Variants in ATP2C1 observed in about 807,000 individuals in gnomAD.
ATP2C1 encodes calcium-transporting ATPase type 2C member 1.
In ATP2C1, 31 loss-of-function variants were observed where a neutral mutation model predicts 120.5. The ratio of observed to expected loss-of-function variants is 0.26; its 90% CI spans 0.19 to 0.35. ATP2C1 has a LOEUF of 0.35. Among genes scored for constraint, ATP2C1 ranks in the 10% least tolerant of loss-of-function variants. The pLI, the probability that ATP2C1 is intolerant of heterozygous loss-of-function variation, is 1.00. For synonymous variants in ATP2C1, 351 were observed against 358.7 expected, an observed-to-expected ratio of 0.98 and a Z score of 0.24; for missense variants, 731 against 1,107.5, an observed-to-expected ratio of 0.66 and a Z score of 4.83.
chr3:130,923,733 G>A (rs1444842340), intron 2 of ATP2C1, among the ~76,000 whole-genome samples: 1 of 151,784 alleles, frequency 6.6e-6, no homozygotes, highest in Non-Finnish European at 1.5e-5. Context: ...CAGGTGTGGT[G>A]GCTCACGCCT....
intron 3 of ATP2C1, among the ~76,000 whole-genome samples, 179 bp from the exon 4 acceptor site, chr3:130,931,843 C>T (rs947225407): frequency 6.6e-6 from 1 of 152,078 alleles, no homozygotes; most frequent in African/African-American, 2.4e-5. Context: ...TAATTAATCC[C>T]TCCCTCTCTA....
At position 130,932,731 on chromosome 3, in the gene ATP2C1, A is replaced by G. The variant is rs6798556; in HGVS notation, c.234+593A>G. On this transcript the variant is annotated intron_variant, in intron 4 of 27. Transcript: ENST00000510168. ...ATGTAAAAAGTTACAGGTTACTATG[A>G]TTAGTTTTGAAGTAATTAGGTTGGT... Among the ~76,000 whole-genome samples the G allele has an allele frequency of 5.2e-3, 789 of 152,262 alleles. 6 individuals carry two copies. The highest frequency in any genetic ancestry group is 0.018 in the African/African-American group (755 of 41,558).
At chr3:130,941,280 G>A (rs1194523593) in intron 7 of ATP2C1, among the ~76,000 whole-genome samples, 6 of 151,002 alleles carry the variant, frequency 4.0e-5, no homozygotes, top group Non-Finnish European at 8.8e-5. Flanking sequence ...GTGTGTGCGC[G>A]CACGCGCGCA....
At chr3:130,855,744 T>C (rs1305692611) in intron 1 of ATP2C1, 1 of 152,210 alleles carries the variant, frequency 6.6e-6, no homozygotes, top group Non-Finnish European at 1.5e-5. Context: ...ACTTGTCAAC[T>C]TGTCAATAAC....
chr3:130,878,910 T>C (rs559602220), intron 1 of ATP2C1, among the ~76,000 whole-genome samples: 1 of 152,340 alleles, frequency 6.6e-6, no homozygotes, highest in Admixed American at 6.5e-5. Context: ...AGTATCTGGA[T>C]GTCTATATCA....
chr3:130,904,991 T>C (rs925482919), intron 2 of ATP2C1, among the ~76,000 whole-genome samples: 1 of 152,088 alleles, frequency 6.6e-6, no homozygotes, highest in Non-Finnish European at 1.5e-5. Flanking sequence ...GTGTCTTTTC[T>C]ACAATACCCT....
chr3:130,886,330 T>A (rs2068971370), intron 1 of ATP2C1, among the ~76,000 whole-genome samples: 1 of 152,172 alleles, frequency 6.6e-6, no homozygotes, highest in African/African-American at 2.4e-5. Context: ...TTGGGTTAAA[T>A]CTGCTTGGTG....
At chr3:130,896,425 C>T (rs1213791278) in intron 2 of ATP2C1, among the ~76,000 whole-genome samples, 2 of 152,054 alleles carry the variant, frequency 1.3e-5, no homozygotes, top group Non-Finnish European at 2.9e-5. Flanking sequence ...TTTTCTGTCC[C>T]GTTATTCTTG....
chr3:131,000,119 A>G (rs993137494), intron 27 of ATP2C1, among the ~76,000 whole-genome samples: 1 of 152,242 alleles, frequency 6.6e-6, no homozygotes, highest in African/African-American at 2.4e-5. Flanking sequence ...AGAATGTTTT[A>G]TAAAGACTAT....
chr3:130,984,501 CA>C lies in ATP2C1; in HGVS notation c.1839+3823del, dbSNP rs200843657. ...CCTAGACCTCCAGCCCCACTTCCCT[CA>C]TCCTCTAGCAAGTGGTTAGATTTTG... On this transcript the variant is annotated intron_variant, in intron 20 of 27. Coordinates refer to ENST00000510168, the MANE Select transcript of ATP2C1 (RefSeq NM_001378687.1). Among the ~76,000 whole-genome samples, 138 of 152,324 alleles carry C rather than the reference CA, an allele frequency of 9.1e-4. 1 individual carries two copies. The East Asian group carries it at 0.026, about 28-fold the overall frequency.
chr3:131,016,395 C>A, exon 27 of ATP2C1: 1 of 1,562,710 alleles, frequency 6.4e-7, no homozygotes, highest in Non-Finnish European at 8.8e-7. Flanking sequence ...AACAGCTTTT[C>A]ATTTTCTCCA....
At chr3:130,972,572 A>G (rs1004407033) in intron 17 of ATP2C1, among the ~76,000 whole-genome samples, 2 of 147,632 alleles carry the variant, frequency 1.4e-5, no homozygotes, top group Admixed American at 6.8e-5. Context: ...TGCTGCACCC[A>G]TTAACTCATC....
At chr3:130,880,612 C>G (rs1457067599) in intron 1 of ATP2C1, among the ~76,000 whole-genome samples, 2 of 152,218 alleles carry the variant, frequency 1.3e-5, no homozygotes, top group Non-Finnish European at 2.9e-5. Context: ...GTTGCAAAAA[C>G]TCTTTCCTGC....
intron 1 of ATP2C1, among the ~76,000 whole-genome samples, chr3:130,863,366 C>A (rs2107729344): frequency 6.6e-6 from 1 of 152,160 alleles, no homozygotes; most frequent in African/African-American, 2.4e-5. Context: ...ACAAATAGAT[C>A]TCTATACTCC....
At chr3:130,962,754 G>T (rs2060881250) in intron 12 of ATP2C1, 1 of 148,360 alleles carries the variant, frequency 6.7e-6, no homozygotes. Flanking sequence ...AGAAAAAAAA[G>T]GATTCCATTT....
chr3:130,925,778 T>C lies in ATP2C1; in HGVS notation c.7-4638T>C, dbSNP rs936490638. Among the ~76,000 whole-genome samples the C allele has an allele frequency of 2.8e-4, 41 of 148,604 alleles. No homozygotes were observed. In the South Asian group the frequency reaches 7.4e-3, roughly 27 times the overall value. On this transcript the variant is annotated intron_variant, in intron 2 of 27. Coordinates refer to ENST00000510168, the MANE Select transcript of ATP2C1 (RefSeq NM_001378687.1). ...AGGGGTGTCTCAGCCTCTCCTTGGG[T>C]GAGCTTGCTGCAGCTGCTGTTGCGG... is the stretch of plus-strand genomic sequence containing the variant.
intron 1 of ATP2C1, among the ~76,000 whole-genome samples, chr3:130,870,936 A>T (rs2068408485): frequency 6.6e-6 from 1 of 152,208 alleles, no homozygotes. Flanking sequence ...GTTTTATTTT[A>T]GGAAATTGCC....
intron 3 of ATP2C1, 55 bp from the exon 4 acceptor site, chr3:130,931,967 G>T: frequency 8.6e-7 from 1 of 1,168,712 alleles, no homozygotes; most frequent in Admixed American, 1.7e-5. Context: ...GCTTTTTTGT[G>T]TTTTTCTTTT....
At chr3:130,968,425 A>G (rs2061149089) in intron 16 of ATP2C1, among the ~76,000 whole-genome samples, 1 of 151,224 alleles carries the variant, frequency 6.6e-6, no homozygotes, top group Admixed American at 6.6e-5. Flanking sequence ...TTAAACACTG[A>G]GTCACATATA....
Sources: allele counts gnomAD v4.1 joint callset (sites outside exome capture counted in the v4.1 genomes callset), GRCh38; gene constraint gnomAD v4.1.1; transcripts MANE v1.5; gene names NCBI Gene and HGNC (gene_info 2026-07-23, HGNC 2026-07-21).